Variants in PPP4R1 observed in about 807,000 individuals in gnomAD.
PPP4R1 encodes the protein serine/threonine-protein phosphatase 4 regulatory subunit 1.
In PPP4R1, 42 loss-of-function variants were observed where a neutral mutation model predicts 111.2. The observed-to-expected ratio is 0.38, with a 90% CI of 0.29 to 0.49. PPP4R1 has a LOEUF of 0.49. Ranked by LOEUF, PPP4R1 falls within the 20% of genes least tolerant of loss-of-function variation. The pLI is 0.97. For synonymous variants in PPP4R1, 409 were observed against 405.5 expected, an observed-to-expected ratio of 1.01 and a Z score of -0.10; for missense variants, 1,012 against 1,161.6, an observed-to-expected ratio of 0.87 and a Z score of 1.87.
chr18:9,573,772 T>C (rs1230188105), intron 10 of PPP4R1, among the ~76,000 whole-genome samples: 1 of 152,154 alleles, frequency 6.6e-6, no homozygotes, highest in East Asian at 1.9e-4. Flanking sequence ...CTAGCTCACC[T>C]TGGTGTTAAA....
chr18:9,551,818 C>A (rs886280091), intron 16 of PPP4R1: 7 of 152,196 alleles, frequency 4.6e-5, no homozygotes, highest in Admixed American at 1.3e-4. Flanking sequence ...GGTGCAGGTA[C>A]CGCTAAACGC....
At chr18:9,549,134 C>A (rs998099737) in intron 19 of PPP4R1, 63 bp downstream of exon 19, 3 of 1,556,324 alleles carry the variant, frequency 1.9e-6, no homozygotes, top group African/African-American at 2.7e-5. Flanking sequence ...ATCTGCTGAT[C>A]CAGTGCAGTC....
At chr18:9,600,913 A>G (rs995349473) in intron 2 of PPP4R1, among the ~76,000 whole-genome samples, 1 of 152,136 alleles carries the variant, frequency 6.6e-6, no homozygotes, top group Non-Finnish European at 1.5e-5. Context: ...TGGAGTGGCT[A>G]TATTATTATG....
upstream of PPP4R1, chr18:9,615,284 A>G (rs2067675595): frequency 6.6e-6 from 1 of 152,256 alleles, no homozygotes; most frequent in Admixed American, 6.5e-5. Context: ...GCAATCCACC[A>G]GCGGGAGCGT....
intron 2 of PPP4R1, among the ~76,000 whole-genome samples, chr18:9,597,105 C>T (rs2145271438): frequency 6.6e-6 from 1 of 152,216 alleles, no homozygotes; most frequent in Non-Finnish European, 1.5e-5. Flanking sequence ...TGAATAGCCA[C>T]TGCACTCTAG....
chr18:9,559,634 G>A (rs899330021), intron 13 of PPP4R1, 30 bp from the exon 14 acceptor site: 1 of 1,492,164 alleles, frequency 6.7e-7, no homozygotes, highest in Non-Finnish European at 9.1e-7. Context: ...CACAGTGACT[G>A]AGCAGCTGAG....
Position 9,558,699 on chromosome 18 carries a change from G to GCTTTTTTT in PPP4R1, c.2028+719_2028+720insAAAAAAAG, listed in dbSNP as rs10686779. 1.4e-5 allele frequency among the ~76,000 whole-genome samples: 2 copies of GCTTTTTTT among 148,102 alleles called. 1 individual carries two copies. ...CAGTACAAATTAGCCTAATCAGACTGTTTTTTTTTTTTTTTAAATAACTGA... is the reference window on the plus strand; with the variant it reads ...CAGTACAAATTAGCCTAATCAGACTGCTTTTTTTTTTTTTTTTTTTTTTAAATAACTGA... On this transcript the variant is annotated intron_variant, in intron 14 of 19. Coordinates refer to ENST00000400556, the MANE Select transcript of PPP4R1 (RefSeq NM_001042388.3).
chr18:9,584,505 C>A lies in PPP4R1; in HGVS notation c.759+10G>T. 6.2e-7 allele frequency: 1 copy of A among 1,609,826 alleles called. No homozygotes were observed. The highest frequency in any genetic ancestry group is 1.3e-5 in the African/African-American group (1 of 74,794). On this transcript the variant is annotated intron_variant, in intron 8 of 19. Transcript: ENST00000400556. ...CACACTGTTTACTCCTTTATATCTG[C>A]AATACTTACCAACATTTCTTCAGTA...
chr18:9,614,346 C>A lies in PPP4R1; in HGVS notation c.8-76G>T. The A allele has an allele frequency of 9.3e-7, 1 of 1,070,638 alleles. No homozygotes were observed. The highest frequency in any genetic ancestry group is 1.1e-6 in the Non-Finnish European group (1 of 879,342). The allele number at this position is 1,070,638 out of a possible 1,614,324, so 66.3% of individuals were successfully genotyped here. A position where few individuals can be genotyped will look rare whatever the true frequency, so the allele number is the denominator to read the frequency against. ...GCGACGCCCCCCCCCCGCCCGCCTC[C>A]CCCCCGCCCCGGGGGCGCCTTCCCG... On this transcript the variant is annotated intron_variant, in intron 1 of 19. Coordinates refer to ENST00000400556, the MANE Select transcript of PPP4R1 (RefSeq NM_001042388.3). The surrounding 1 kb of genome is among the most constrained non-coding windows in gnomAD (Gnocchi z 4.1).
At chr18:9,577,697 C>A (rs1568106086) in intron 9 of PPP4R1, among the ~76,000 whole-genome samples, 1 of 151,960 alleles carries the variant, frequency 6.6e-6, no homozygotes. Flanking sequence ...CCTATTTGCT[C>A]TTTTTTACTT....
intron 9 of PPP4R1, among the ~76,000 whole-genome samples, chr18:9,582,433 GA>G (rs35669091): frequency 1.5e-3 from 232 of 152,190 alleles, no homozygotes; most frequent in African/African-American, 5.3e-3. Flanking sequence ...TAACTTAGAT[GA>G]AATGTACAAA....
chr18:9,614,151 C>T lies in PPP4R1; in HGVS notation c.52+75G>A. ...CCCCTCAGCCAGCCAGGGCCCGGCC[C>T]AGGCCTCGCCGCCGCCCGCCCTCCC... is the stretch of plus-strand genomic sequence containing the variant. On this transcript the variant is annotated intron_variant, in intron 2 of 19. Coordinates refer to ENST00000400556, the MANE Select transcript of PPP4R1 (RefSeq NM_001042388.3). The surrounding 1 kb of genome is among the most constrained non-coding windows in gnomAD (Gnocchi z 4.1). 1 of 1,226,362 alleles carries T rather than the reference C, an allele frequency of 8.2e-7. No homozygotes were observed. The allele number at this position is 1,226,362 out of a possible 1,614,324, so 76.0% of individuals were successfully genotyped here. A position where few individuals can be genotyped will look rare whatever the true frequency, so the allele number is the denominator to read the frequency against.
rs2066841764 is a variant in PPP4R1 at position 9,570,387 on chromosome 18, A to G, written c.1343T>C (p.Leu448Ser). Reference protein sequence around the residue: ...VGTTSQDSALLDQELYNSFHF... With the variant: ...VGTTSQDSALSDQELYNSFHF... ...GAAGGAGTTATACAATTCCTGATCT[A>G]AGAGAGCTGAATCTTGTGAAGTGGT... The change falls in exon 11 of 20, where the codon TTA becomes TCA. Residue 448 changes from leucine to serine, a missense_variant. Around this residue, in one of 2 missense-constraint regions of PPP4R1, gnomAD observed 707 missense variants for 742.1 expected, o/e 0.95. Coordinates refer to ENST00000400556, the MANE Select transcript of PPP4R1 (RefSeq NM_001042388.3). 2 of 1,613,678 alleles carry G rather than the reference A, an allele frequency of 1.2e-6. No individual in the cohort carries two copies. The highest frequency in any genetic ancestry group is 1.7e-5 in the Admixed American group (1 of 59,924).
intron 3 of PPP4R1, 46 bp downstream of exon 3, chr18:9,594,972 A>G (rs146867530): frequency 4.8e-4 from 771 of 1,596,590 alleles, no homozygotes; most frequent in Non-Finnish European, 6.3e-4. Flanking sequence ...GAAGTTAATA[A>G]AACCACCCTT....
chr18:9,553,282 A>G (rs1258639253), intron 16 of PPP4R1, 40 bp downstream of exon 16: 2 of 1,396,040 alleles, frequency 1.4e-6, no homozygotes, highest in Admixed American at 3.6e-5. Flanking sequence ...GTAAATATAT[A>G]CCCCTCCAAA....
intron 15 of PPP4R1, among the ~76,000 whole-genome samples, chr18:9,556,232 C>T (rs1383718719): frequency 6.6e-6 from 1 of 151,266 alleles, no homozygotes; most frequent in Admixed American, 6.6e-5. Context: ...CTTGCTCTGT[C>T]CCCCAGCTGG....
chr18:9,597,454 G>GT (rs2067308044), intron 2 of PPP4R1, among the ~76,000 whole-genome samples: 1 of 152,160 alleles, frequency 6.6e-6, no homozygotes, highest in South Asian at 2.1e-4. Flanking sequence ...GTCCCTTTGA[G>GT]TCTTTAGGTG....
At chr18:9,587,038 C>T (rs1444132390) in intron 6 of PPP4R1, among the ~76,000 whole-genome samples, 3 of 152,152 alleles carry the variant, frequency 2.0e-5, no homozygotes, top group Admixed American at 1.3e-4. Context: ...GGGAAATGTA[C>T]TTGCCTGACC....
At chr18:9,617,119 C>A (rs1337752277), upstream of PPP4R1, 1 of 152,168 alleles carries the variant, frequency 6.6e-6, no homozygotes, top group South Asian at 2.1e-4. Flanking sequence ...ATTCTACATA[C>A]CTTTAACCCA....
Sources: gnomAD v4.1 joint callset for allele counts (sites outside exome capture counted in the v4.1 genomes callset) on GRCh38, gnomAD v4.1.1 for gene constraint, gnomAD v4.1.1 regional missense constraint, Gnocchi (gnomAD v3.1) non-coding constraint, MANE v1.5 for transcripts, NCBI Gene and HGNC (gene_info 2026-07-23, HGNC 2026-07-21) for gene names.